WARS2: variants seen among roughly 807,000 people sequenced by gnomAD.
WARS2 encodes tryptophanyl tRNA synthetase 2, mitochondrial, also known as tryptophan--tRNA ligase, mitochondrial.
A neutral mutation model predicts 36.5 loss-of-function variants in WARS2; 28 were observed. The ratio of observed to expected loss-of-function variants is 0.77; its 90% confidence interval spans 0.57 to 1.05. WARS2 has a LOEUF of 1.05. WARS2 is among the 50% of genes least tolerant of loss of function. The pLI is 0.00. For missense variants in WARS2, 435 were observed against 456.8 expected (o/e 0.95, Z 0.44); for synonymous variants, 174 against 178.4 (o/e 0.98, Z 0.20).
At chr1:119,064,258 T>C (rs1180321468) in intron 2 of WARS2, 2 of 152,222 alleles carry the variant, frequency 1.3e-5, no homozygotes, top group Non-Finnish European at 2.9e-5. Flanking sequence ...CCATTTGGAA[T>C]GGCTGTATTT....
intron 2 of WARS2, among the ~76,000 whole-genome samples, chr1:119,048,663 C>T (rs1030949187): frequency 3.3e-5 from 5 of 152,146 alleles, no homozygotes; most frequent in Admixed American, 3.3e-4. Flanking sequence ...CACACGCGGA[C>T]ATGTGCCCAT....
At chr1:119,102,251 C>G (rs1653926641) in intron 1 of WARS2, among the ~76,000 whole-genome samples, 1 of 152,272 alleles carries the variant, frequency 6.6e-6, no homozygotes, top group African/African-American at 2.4e-5. Flanking sequence ...TGTGATTGTG[C>G]CAAGCACAAC....
chr1:119,034,950 A>G (rs1217061414), intron 4 of WARS2, among the ~76,000 whole-genome samples: 1 of 152,202 alleles, frequency 6.6e-6, no homozygotes, highest in African/African-American at 2.4e-5. Context: ...CCAAATTTGT[A>G]ATTGTAGCTG....
At chr1:119,098,797 C>T (rs1485534001) in intron 1 of WARS2, among the ~76,000 whole-genome samples, 1 of 151,374 alleles carries the variant, frequency 6.6e-6, no homozygotes, top group Non-Finnish European at 1.5e-5. Flanking sequence ...AGTGCAATGG[C>T]GTGATCTCAG....
intron 1 of WARS2, chr1:119,082,601 A>C (rs1652283764): frequency 3.6e-6 from 1 of 274,760 alleles, no homozygotes; most frequent in Non-Finnish European, 5.5e-6. Context: ...CACTGAACTG[A>C]ATGCAATTTA....
chr1:119,133,071 T>A (rs772471819), intron 1 of WARS2, among the ~76,000 whole-genome samples: 2 of 152,216 alleles, frequency 1.3e-5, no homozygotes, highest in African/African-American at 4.8e-5. Flanking sequence ...CTCCTCTACC[T>A]GCAGGGCTCT....
intron 2 of WARS2, among the ~76,000 whole-genome samples, chr1:119,055,941 T>C (rs1464821675): frequency 1.3e-5 from 2 of 151,760 alleles, no homozygotes; most frequent in Non-Finnish European, 2.9e-5. Flanking sequence ...AATAAAACTC[T>C]GAGCAGGCTG....
At chr1:119,097,610 CT>C (rs1467068748) in intron 1 of WARS2, among the ~76,000 whole-genome samples, 1 of 152,228 alleles carries the variant, frequency 6.6e-6, no homozygotes, top group Non-Finnish European at 1.5e-5. Context: ...TCACTTGCTC[CT>C]GTAAGCAACT....
intron 2 of WARS2, among the ~76,000 whole-genome samples, chr1:119,056,610 A>C (rs1649837564): frequency 6.7e-6 from 1 of 150,344 alleles, no homozygotes; most frequent in South Asian, 2.1e-4. Flanking sequence ...ATAAACAATA[A>C]GATGCACTCA....
At chr1:119,057,495 A>T (rs1649925907) in intron 2 of WARS2, among the ~76,000 whole-genome samples, 1 of 151,994 alleles carries the variant, frequency 6.6e-6, no homozygotes, top group Non-Finnish European at 1.5e-5. Context: ...GTGGCCATTT[A>T]AAATATTAGC....
intron 2 of WARS2, among the ~76,000 whole-genome samples, chr1:119,055,139 T>C (rs1649666927): frequency 1.3e-5 from 2 of 152,218 alleles, no homozygotes; most frequent in Admixed American, 1.3e-4. Flanking sequence ...TTATGTTATG[T>C]GAGTTTTGTT....
intron 1 of WARS2, among the ~76,000 whole-genome samples, chr1:119,121,214 T>G (rs1382516867): frequency 6.6e-6 from 1 of 152,076 alleles, no homozygotes; most frequent in East Asian, 1.9e-4. Flanking sequence ...ACAAAATCAA[T>G]GTACATAAAT....
intron 1 of WARS2, among the ~76,000 whole-genome samples, chr1:119,108,976 C>G (rs1654431793): frequency 1.3e-5 from 2 of 151,810 alleles, no homozygotes; most frequent in South Asian, 4.1e-4. Context: ...ATTTGAGCAC[C>G]GTGTTATTAT....
chr1:119,135,925 T>G (rs1382598728), intron 1 of WARS2, among the ~76,000 whole-genome samples: 1 of 151,786 alleles, frequency 6.6e-6, no homozygotes, highest in Non-Finnish European at 1.5e-5. Context: ...CATATGCCAC[T>G]AAGCCCAGCT....
chr1:119,108,446 ATTTAGGT>A (rs1390762041), intron 1 of WARS2, among the ~76,000 whole-genome samples: 1 of 151,912 alleles, frequency 6.6e-6, no homozygotes, highest in African/African-American at 2.4e-5. Context: ...GGCCCATTTT[ATTTAGGT>A]TATTAAAGTT....
intron 1 of WARS2, chr1:119,127,283 A>C (rs1557757455): frequency 1.4e-6 from 1 of 721,944 alleles, no homozygotes; most frequent in South Asian, 1.4e-5. Context: ...TGTTCTTGCC[A>C]ACCTCCATGG....
chr1:119,076,148 G>A (rs926749473), intron 2 of WARS2, among the ~76,000 whole-genome samples: 1 of 152,088 alleles, frequency 6.6e-6, no homozygotes, highest in Admixed American at 6.6e-5. Context: ...TGGAGGAAAA[G>A]CTGAAAAATA....
intron 1 of WARS2, chr1:119,084,892 T>C: frequency 3.3e-6 from 1 of 304,736 alleles, no homozygotes; most frequent in Non-Finnish European, 6.3e-6. Flanking sequence ...GTTAAAAGAA[T>C]CCAGCCCCAG....
intron 1 of WARS2, among the ~76,000 whole-genome samples, chr1:119,099,518 C>G (rs1653707070): frequency 6.6e-6 from 1 of 152,144 alleles, no homozygotes; most frequent in South Asian, 2.1e-4. Context: ...GCGAAGATTC[C>G]TAAGAACCAA....
Sources: allele counts gnomAD v4.1 joint callset (sites outside exome capture counted in the v4.1 genomes callset), GRCh38; gene constraint gnomAD v4.1.1; transcripts MANE v1.5; gene names NCBI Gene and HGNC (gene_info 2026-07-23, HGNC 2026-07-21).